Variants in CAST observed in about 807,000 individuals in gnomAD.
The protein encoded by CAST is MIR583 host.
CAST carries 76 observed loss-of-function variants against 119.6 expected under a neutral mutation model. The observed-to-expected ratio is 0.64, with a 90% CI of 0.53 to 0.77. CAST has a LOEUF of 0.77. Among genes scored for constraint, CAST ranks in the 30% least tolerant of loss-of-function variants. CAST has a pLI of 0.00. For missense variants in CAST, 953 were observed against 946.5 expected (o/e 1.01, Z -0.09); for synonymous variants, 319 against 331.6 (o/e 0.96, Z 0.41).
chr5:96,165,512 C>CAT, the CAST span, among the ~76,000 whole-genome samples: 1 of 152,068 alleles, frequency 6.6e-6, no homozygotes, highest in Non-Finnish European at 1.5e-5. Flanking sequence ...AAAAAAAATG[C>CAT]ATATATATAC....
chr5:96,062,033 G>A, the CAST span, among the ~76,000 whole-genome samples: 4 of 152,044 alleles, frequency 2.6e-5, no homozygotes, highest in East Asian at 7.7e-4. Context: ...GATTACACTG[G>A]ACCCTTTTCA....
At chr5:96,230,089 C>A in the CAST span, among the ~76,000 whole-genome samples, 1 of 152,002 alleles carries the variant, frequency 6.6e-6, no homozygotes, top group Non-Finnish European at 1.5e-5. Flanking sequence ...CTCATGGTGA[C>A]AAGTGACCAA....
the CAST span, among the ~76,000 whole-genome samples, chr5:96,014,098 A>G: frequency 6.6e-6 from 1 of 151,908 alleles, no homozygotes. Context: ...ACAGCTGTAC[A>G]ATAATATTTT....
At chr5:96,307,842 CT>C in the CAST span, among the ~76,000 whole-genome samples, 1 of 152,206 alleles carries the variant, frequency 6.6e-6, no homozygotes, top group East Asian at 1.9e-4. Flanking sequence ...GATGGGCTTC[CT>C]TTTGTGGGTA....
chr5:96,445,423 C>T, the CAST span, among the ~76,000 whole-genome samples: 2 of 152,278 alleles, frequency 1.3e-5, no homozygotes, highest in African/African-American at 4.8e-5. Flanking sequence ...GCAACTTTAT[C>T]TTCTTGCTCT....
intron 1 of CAST, among the ~76,000 whole-genome samples, chr5:96,665,247 TAAC>T (rs570526101): frequency 2.6e-5 from 4 of 152,354 alleles, no homozygotes; most frequent in Non-Finnish European, 4.4e-5. Flanking sequence ...GGAGCCACTT[TAAC>T]AACAACATCA....
the CAST span, among the ~76,000 whole-genome samples, chr5:96,265,931 A>G: frequency 6.6e-6 from 1 of 152,178 alleles, no homozygotes; most frequent in East Asian, 1.9e-4. Flanking sequence ...AAAAAAACTG[A>G]TACGATGTCA....
intron 1 of CAST, among the ~76,000 whole-genome samples, chr5:96,618,597 G>A (rs370235400): frequency 1.5e-3 from 236 of 152,370 alleles, no homozygotes; most frequent in Middle Eastern, 3.4e-3. Flanking sequence ...GGCAGGCCTC[G>A]CATTCGGGGC....
At chr5:96,714,209 CT>C (rs1367388840) in intron 3 of CAST, among the ~76,000 whole-genome samples, 1 of 152,010 alleles carries the variant, frequency 6.6e-6, no homozygotes, top group Non-Finnish European at 1.5e-5. Flanking sequence ...ATTTAAAAAC[CT>C]CACATTTGGA....
At chr5:96,436,145 A>G in the CAST span, among the ~76,000 whole-genome samples, 2 of 152,250 alleles carry the variant, frequency 1.3e-5, no homozygotes, top group African/African-American at 4.8e-5. Context: ...ACTGCACATT[A>G]ACTCAAAGGT....
At position 96,770,513 on chromosome 5, in the gene CAST, A is replaced by G; in HGVS notation, c.2269-18A>G. On this transcript the variant is annotated intron_variant, in intron 29 of 31. Transcript: ENST00000675179. Reference sequence around the variant, plus strand: ...GATTGGTGATAGCCATAGCCTCATTACATTTCCTTTGCTTTAGGATAAGTG... The same window carrying G: ...GATTGGTGATAGCCATAGCCTCATTGCATTTCCTTTGCTTTAGGATAAGTG... The G allele has an allele frequency of 1.3e-6, 2 of 1,580,374 alleles. No individual in the cohort carries two copies. The highest frequency in any genetic ancestry group is 1.7e-6 in the Non-Finnish European group (2 of 1,149,710).
At chr5:96,455,421 CAA>C in the CAST span, among the ~76,000 whole-genome samples, 3 of 152,158 alleles carry the variant, frequency 2.0e-5, no homozygotes, top group South Asian at 6.2e-4. Context: ...CTTCTGGAAA[CAA>C]GAGTTGTTTA....
chr5:96,255,455 A>C, the CAST span, among the ~76,000 whole-genome samples: 1 of 152,174 alleles, frequency 6.6e-6, no homozygotes, highest in African/African-American at 2.4e-5. Flanking sequence ...TTCCTTGATA[A>C]AGCAGCAATG....
chr5:96,078,051 A>G, the CAST span, among the ~76,000 whole-genome samples: 1 of 152,164 alleles, frequency 6.6e-6, no homozygotes, highest in Admixed American at 6.5e-5. Context: ...TAACTATTAA[A>G]TTGGTATAAT....
At chr5:96,712,523 C>G (rs1561507449) in intron 3 of CAST, among the ~76,000 whole-genome samples, 1 of 152,102 alleles carries the variant, frequency 6.6e-6, no homozygotes, top group Non-Finnish European at 1.5e-5. Flanking sequence ...GAGATGGGGT[C>G]TCACTATGCT....
the CAST span, among the ~76,000 whole-genome samples, chr5:96,035,854 T>C: frequency 6.6e-6 from 1 of 151,944 alleles, no homozygotes; most frequent in Admixed American, 6.6e-5. Flanking sequence ...GTATGTAGGA[T>C]GTGCGCACTG....
the CAST span, among the ~76,000 whole-genome samples, chr5:96,441,088 T>A: frequency 6.6e-6 from 1 of 152,228 alleles, no homozygotes; most frequent in East Asian, 1.9e-4. Context: ...CCTGTTGAAG[T>A]TATTATACAT....
intron 1 of CAST, among the ~76,000 whole-genome samples, chr5:96,665,533 C>A (rs1370472082): frequency 6.6e-6 from 1 of 152,104 alleles, no homozygotes; most frequent in East Asian, 1.9e-4. Flanking sequence ...CCTAAACTTT[C>A]TTTTTTTCCT....
chr5:96,443,073 A>G, the CAST span, among the ~76,000 whole-genome samples: 1 of 148,078 alleles, frequency 6.8e-6, no homozygotes, highest in Non-Finnish European at 1.5e-5. Context: ...AACTTGGGGG[A>G]AAAAAACAGA....
Sources: allele counts gnomAD v4.1 joint callset (sites outside exome capture counted in the v4.1 genomes callset), GRCh38; gene constraint gnomAD v4.1.1; transcripts MANE v1.5; gene names NCBI Gene and HGNC (gene_info 2026-07-23, HGNC 2026-07-21).